Variants in DHRSX observed in about 807,000 individuals in gnomAD.
DHRSX encodes dehydrogenase/reductase X-linked, also known as polyprenol dehydrogenase.
In DHRSX, 31 loss-of-function variants were observed where a neutral mutation model predicts 34.0. The ratio of observed to expected loss-of-function variants is 0.91; its 90% confidence interval spans 0.69 to 1.23. The LOEUF (loss-of-function observed/expected upper bound fraction) is 1.23. Among genes scored for constraint, DHRSX ranks in the 50% most tolerant of loss-of-function variants. The pLI is 0.00. For synonymous variants in DHRSX, 201 were observed against 183.8 expected (o/e 1.09, Z -0.76); for missense variants, 414 against 428.1 (o/e 0.97, Z 0.29).
rs765464014 is a variant in DHRSX, at chrX:2,495,830, A to G, written c.109+4987T>C. On this transcript the variant is annotated intron_variant, in intron 1 of 6. Coordinates refer to ENST00000334651, the MANE Select transcript of DHRSX (RefSeq NM_145177.3). The stretch of plus-strand genomic sequence containing the variant: ...ACGCTCTCAGGGGGCCGGCGATTTC[A>G]CGTTTCCAATTGCACATCCATGAGA... 5.3e-5 allele frequency among the ~76,000 whole-genome samples: 8 copies of G among 152,172 alleles called. No homozygotes were observed. The South Asian group carries it at 1.0e-3, about 20-fold the overall frequency.
At chrX:2,294,808 G>GGA (rs1556454894) in intron 3 of DHRSX, among the ~76,000 whole-genome samples, 1 of 149,226 alleles carries the variant, frequency 6.7e-6, no homozygotes, top group Non-Finnish European at 1.5e-5. Flanking sequence ...AGAGAGAGAG[G>GGA]AAAAAGAGAG....
chrX:2,393,287 T>C (rs751477183), intron 3 of DHRSX, among the ~76,000 whole-genome samples: 2 of 152,070 alleles, frequency 1.3e-5, no homozygotes, highest in African/African-American at 2.4e-5. Flanking sequence ...ACTATAAATG[T>C]CTAGACATTG....
intron 1 of DHRSX, among the ~76,000 whole-genome samples, chrX:2,494,593 G>C (rs1026057732): frequency 6.6e-6 from 1 of 151,818 alleles, no homozygotes; most frequent in Non-Finnish European, 1.5e-5. Flanking sequence ...GCTGAAAAAG[G>C]TTCTGGCACT....
chrX:2,426,709 C>A (rs1285400078), intron 1 of DHRSX, among the ~76,000 whole-genome samples: 4 of 149,094 alleles, frequency 2.7e-5, no homozygotes, highest in African/African-American at 7.4e-5. Context: ...CTCCTTCCAT[C>A]CTTTCCTCTT....
At chrX:2,372,443 C>T (rs2043083805) in intron 3 of DHRSX, among the ~76,000 whole-genome samples, 1 of 151,934 alleles carries the variant, frequency 6.6e-6, no homozygotes, top group Admixed American at 6.6e-5. Context: ...AAATTGGAAC[C>T]GAATCACAAA....
intron 1 of DHRSX, among the ~76,000 whole-genome samples, chrX:2,448,531 T>A (rs28537157): frequency 0.62 from 88,648 of 143,322 alleles, 29,158 homozygotes; most frequent in African/African-American, 0.84. Flanking sequence ...GTGAATATGT[T>A]AATTAGCTTG....
chrX:2,336,099 T>C (rs1163479371), intron 3 of DHRSX, among the ~76,000 whole-genome samples: 2 of 150,874 alleles, frequency 1.3e-5, no homozygotes, highest in African/African-American at 4.9e-5. Context: ...CCTCCGCCTC[T>C]CAATTTCAAG....
At chrX:2,436,180 G>A (rs958086990) in intron 1 of DHRSX, among the ~76,000 whole-genome samples, 5 of 151,992 alleles carry the variant, frequency 3.3e-5, no homozygotes, top group Admixed American at 2.0e-4. Flanking sequence ...GTGACAGAGG[G>A]AGACTCCATC....
rs1191716751 is a variant in DHRSX, at chrX:2,299,014, A to AAAAAAAT, written c.287-7412_287-7411insATTTTTT. Among the ~76,000 whole-genome samples, 85 of 131,564 alleles carry AAAAAAAT rather than the reference A, an allele frequency of 6.5e-4. 5 individuals carry two copies. The highest frequency in any genetic ancestry group is 2.3e-3 in the African/African-American group (75 of 32,402). The allele number at this position is 131,564 out of a possible 152,430, so 86.3% of individuals were successfully genotyped here. A position where few individuals can be genotyped will look rare whatever the true frequency, so the allele number is the denominator to read the frequency against. Reference sequence around the variant, plus strand: ...AAAAAAAAAAAAAAAAAAAAAAAAAATGGGAAAAATGTGGAAGGATTCCTT... The same window carrying AAAAAAAT: ...AAAAAAAAAAAAAAAAAAAAAAAAAAAAAAAATTGGGAAAAATGTGGAAGGATTCCTT... On this transcript the variant is annotated intron_variant, in intron 3 of 6. Coordinates refer to ENST00000334651, the MANE Select transcript of DHRSX (RefSeq NM_145177.3).
intron 1 of DHRSX, among the ~76,000 whole-genome samples, chrX:2,451,709 A>G (rs7065827): frequency 0.45 from 68,577 of 151,998 alleles, 18,100 homozygotes; most frequent in African/African-American, 0.72. Context: ...AGAGTCAGAG[A>G]CACCCAGTGA....
intron 1 of DHRSX, among the ~76,000 whole-genome samples, chrX:2,469,939 G>C (rs769639622): frequency 6.6e-6 from 1 of 152,184 alleles, no homozygotes; most frequent in South Asian, 2.1e-4. Context: ...CCATCAATGG[G>C]ATACCTGCAT....
At chrX:2,291,894 G>GTTTTTTTTT (rs1162716010) in intron 3 of DHRSX, among the ~76,000 whole-genome samples, 2 of 95,322 alleles carry the variant, frequency 2.1e-5, no homozygotes, top group African/African-American at 7.8e-5. Context: ...TTGTATTTTT[G>GTTTTTTTTT]TATTTTTTTT....
intron 1 of DHRSX, among the ~76,000 whole-genome samples, chrX:2,493,208 G>A (rs1226020736): frequency 6.6e-6 from 1 of 152,188 alleles, no homozygotes; most frequent in African/African-American, 2.4e-5. Flanking sequence ...TTCTGCAGCC[G>A]AGTTAGGGTG....
intron 3 of DHRSX, among the ~76,000 whole-genome samples, chrX:2,368,618 G>A (rs1252769022): frequency 6.6e-6 from 1 of 152,138 alleles, no homozygotes; most frequent in East Asian, 1.9e-4. Context: ...GGGAGGCCAA[G>A]GAGGGCGGAT....
intron 4 of DHRSX, among the ~76,000 whole-genome samples, chrX:2,273,691 C>T (rs1282671582): frequency 3.3e-5 from 5 of 152,186 alleles, no homozygotes; most frequent in South Asian, 2.1e-4. Flanking sequence ...CATGAGTACC[C>T]GCTGTGTACC....
chrX:2,399,305 T>C (rs2043454393), intron 3 of DHRSX, among the ~76,000 whole-genome samples: 1 of 151,804 alleles, frequency 6.6e-6, no homozygotes, highest in Non-Finnish European at 1.5e-5. Flanking sequence ...TCTACGCATA[T>C]GCCTGTCTAC....
intron 5 of DHRSX, among the ~76,000 whole-genome samples, chrX:2,248,281 A>G (rs1808515896): frequency 6.6e-6 from 1 of 151,986 alleles, no homozygotes; most frequent in African/African-American, 2.4e-5. Flanking sequence ...AAAATACAAA[A>G]AATTAACTGG....
chrX:2,448,532 A>C (rs1319324076), intron 1 of DHRSX, among the ~76,000 whole-genome samples: 1 of 149,264 alleles, frequency 6.7e-6, no homozygotes, highest in East Asian at 1.9e-4. Context: ...TGAATATGTT[A>C]ATTAGCTTGT....
At chrX:2,344,120 A>C (rs1303980530) in intron 3 of DHRSX, among the ~76,000 whole-genome samples, 3 of 152,180 alleles carry the variant, frequency 2.0e-5, no homozygotes, top group Non-Finnish European at 4.4e-5. Context: ...CTGACCTTGC[A>C]CCACTCATGA....
Sources: gnomAD v4.1 joint callset for allele counts (sites outside exome capture counted in the v4.1 genomes callset) on GRCh38, gnomAD v4.1.1 for gene constraint, MANE v1.5 for transcripts, NCBI Gene and HGNC (gene_info 2026-07-23, HGNC 2026-07-21) for gene names.